OTOGL: variants seen among roughly 807,000 people sequenced by gnomAD.
The protein encoded by OTOGL is otogelin like, also known as otogelin-like protein.
OTOGL carries 285 observed loss-of-function variants against 318.5 expected under a neutral mutation model. That is an observed-to-expected ratio of 0.89 (90% CI 0.81 to 0.99). OTOGL has a LOEUF of 0.99. OTOGL is among the 50% of genes least tolerant of loss of function. The pLI is 0.00. For synonymous variants in OTOGL, 987 were observed against 936.5 expected (o/e 1.05, Z -0.99); for missense variants, 2,899 against 2,845.6 (o/e 1.02, Z -0.43).
chr12:80,318,189 T>C (rs1026044185), intron 32 of OTOGL, among the ~76,000 whole-genome samples: 1 of 152,154 alleles, frequency 6.6e-6, no homozygotes, highest in African/African-American at 2.4e-5. Context: ...GTCTTGCCCT[T>C]ATATTCTTTG....
In OTOGL at chr12:80,357,691, A is replaced by G. The variant is rs151279186; in HGVS notation, c.6020-557A>G. Among the ~76,000 whole-genome samples the G allele has an allele frequency of 1.3e-3, 204 of 152,266 alleles. 2 individuals carry two copies. In the East Asian group the frequency reaches 0.015, roughly 11 times the overall value. On this transcript the variant is annotated intron_variant, in intron 49 of 58. Transcript: ENST00000547103. ...AACTTTATTTTTTTCTTCAGTTGAT[A>G]TGTCTCTATATATGACTCAAATTCC...
chr12:80,325,555 C>A (rs1238576190), intron 35 of OTOGL, among the ~76,000 whole-genome samples: 1 of 152,192 alleles, frequency 6.6e-6, no homozygotes, highest in Non-Finnish European at 1.5e-5. Context: ...CTGCTACACC[C>A]TGTTGTTTGT....
chr12:80,335,308 T>C (rs1888321927), intron 38 of OTOGL, among the ~76,000 whole-genome samples: 1 of 152,052 alleles, frequency 6.6e-6, no homozygotes, highest in African/African-American at 2.4e-5. Context: ...AAAATAAATA[T>C]GAAATAATAG....
At chr12:80,276,799 T>C (rs1387311987) in intron 24 of OTOGL, among the ~76,000 whole-genome samples, 1 of 151,670 alleles carries the variant, frequency 6.6e-6, no homozygotes, top group Non-Finnish European at 1.5e-5. Context: ...CTACATATTG[T>C]GTGACATGAA....
chr12:80,315,597 G>A (rs547376199), intron 32 of OTOGL, among the ~76,000 whole-genome samples: 2 of 152,266 alleles, frequency 1.3e-5, no homozygotes, highest in South Asian at 4.2e-4. Flanking sequence ...TGATGGATGT[G>A]TCAGTTAGAA....
chr12:80,318,758 T>C, intron 33 of OTOGL, 45 bp downstream of exon 33: 1 of 1,162,408 alleles, frequency 8.6e-7, no homozygotes, highest in Non-Finnish European at 1.1e-6. Context: ...AATTACATTT[T>C]AAAATTTAGC....
chr12:80,373,490 T>G (rs1033884187), intron 57 of OTOGL, among the ~76,000 whole-genome samples: 1 of 151,966 alleles, frequency 6.6e-6, no homozygotes, highest in Admixed American at 6.6e-5. Flanking sequence ...TAGGGCCAGA[T>G]TCTTAGATAT....
At position 80,368,254 on chromosome 12, in the gene OTOGL, G is replaced by T; in HGVS notation, c.6560G>T (p.Cys2187Phe). The change falls in exon 55 of 59, where the codon TGC (cysteine) becomes TTC (phenylalanine). Residue 2187 changes from cysteine (C) to phenylalanine (F), a missense_variant. Cys to Phe is a radical substitution (Grantham distance 205). Transcript: ENST00000547103. ...SPSDYGCCGT[C>F]KNVSCKFHME... ...AGTGATTATGGTTGTTGTGGTACCT[G>T]CAAAAATGTATCCTGCAAATTTCAC... 6.2e-7 allele frequency: 1 copy of T among 1,603,548 alleles called. No individual in the cohort carries two copies. The highest frequency in any genetic ancestry group is 1.1e-5 in the South Asian group (1 of 89,298).
At chr12:80,112,709 C>CTTTT (rs144605517) in intron 1 of OTOGL, among the ~76,000 whole-genome samples, 1 of 140,220 alleles carries the variant, frequency 7.1e-6, no homozygotes, top group African/African-American at 2.7e-5. Flanking sequence ...AATTTTCTTT[C>CTTTT]TTTTTTTTTT....
chr12:80,102,792 C>T lies in OTOGL; in HGVS notation c.-20+3187C>T, dbSNP rs1338682672. 3 of 618,204 alleles carry T rather than the reference C, an allele frequency of 4.9e-6. No individual in the cohort carries two copies. In the African/African-American group the frequency reaches 5.5e-5, roughly 11 times the overall value. 38.3% of individuals were successfully genotyped at this position (618,204 alleles called of 1,614,324 possible). On this transcript the variant is annotated intron_variant, in intron 1 of 58. Coordinates refer to ENST00000547103, the MANE Select transcript of OTOGL (RefSeq NM_001378609.3). ...TCCTACTGATGGATGGACTAGTTTCCCAGAGTTGTCTCTTACCAACTCTTT... is the reference window on the plus strand; with the variant it reads ...TCCTACTGATGGATGGACTAGTTTCTCAGAGTTGTCTCTTACCAACTCTTT...
At chr12:80,331,171 A>G (rs2137887958) in intron 37 of OTOGL, among the ~76,000 whole-genome samples, 1 of 152,194 alleles carries the variant, frequency 6.6e-6, no homozygotes, top group Admixed American at 6.5e-5. Context: ...AAAATAACTA[A>G]TTTGGAGTAC....
chr12:80,299,631 C>T (rs889465308), intron 27 of OTOGL, among the ~76,000 whole-genome samples: 2 of 149,586 alleles, frequency 1.3e-5, no homozygotes, highest in South Asian at 4.2e-4. Context: ...AAAACCACCT[C>T]TGTTATTTTT....
chr12:80,205,975 A>G (rs12300701), intron 1 of OTOGL, among the ~76,000 whole-genome samples: 100 of 152,286 alleles, frequency 6.6e-4, no homozygotes, highest in African/African-American at 2.3e-3. Flanking sequence ...GTCACTTTCT[A>G]AAGATCATAT....
chr12:80,329,080 T>G lies in OTOGL; in HGVS notation c.4309T>G (p.Leu1437Val). ...ACCTGTGATTCCCACAGAACCAACA[T>G]TAATGCCACCAGCTAAGCCAACTGT... ...CIPVIPTEPTLMPPAKPTVPM... is the reference protein window; with the variant it reads ...CIPVIPTEPTVMPPAKPTVPM... The change falls in exon 37 of 59, where the codon TTA becomes GTA. Residue 1437 changes from leucine to valine, a missense_variant. Leu to Val is a conservative substitution (Grantham distance 32, BLOSUM62 1). This residue lies in a region of OTOGL where 2,607 missense variants were observed against 2,524.9 expected (regional missense o/e 1.03). Transcript: ENST00000547103. The G allele has an allele frequency of 1.3e-6, 2 of 1,562,434 alleles. No homozygotes were observed. The highest frequency in any genetic ancestry group is 1.7e-6 in the Non-Finnish European group (2 of 1,163,584).
chr12:80,243,299 A>G (rs890702690), intron 11 of OTOGL, among the ~76,000 whole-genome samples: 1 of 152,016 alleles, frequency 6.6e-6, no homozygotes, highest in African/African-American at 2.4e-5. Context: ...GGGAAAAGAA[A>G]CCCTACCAAT....
chr12:80,323,840 C>A lies in OTOGL; in HGVS notation c.4199C>A (p.Pro1400Gln), dbSNP rs754094747. The part of the protein sequence containing the change: ...PEALACKFLP[P>Q]VEGCLPYCPK... ...GCACTAGCATGTAAATTTCTTCCAC[C>A]GTAAGTAACGTTTACCAATAAGTGA... is the stretch of plus-strand genomic sequence containing the variant. Residue 1400 changes from proline (P) to glutamine (Q), a missense_variant and splice_region_variant, in exon 35 of 59, where the codon CCG (proline) becomes CAG (glutamine). Coordinates refer to ENST00000547103, the MANE Select transcript of OTOGL (RefSeq NM_001378609.3). 12 of 1,597,234 alleles carry A rather than the reference C, an allele frequency of 7.5e-6. No homozygotes were observed. The highest frequency in any genetic ancestry group is 1.3e-5 in the African/African-American group (1 of 74,498).
intron 1 of OTOGL, among the ~76,000 whole-genome samples, chr12:80,201,222 G>A (rs1416059766): frequency 6.6e-6 from 1 of 152,088 alleles, no homozygotes; most frequent in Non-Finnish European, 1.5e-5. Context: ...GGTCTGTTTT[G>A]CATTTTTATA....
intron 52 of OTOGL, among the ~76,000 whole-genome samples, chr12:80,359,597 G>A (rs1343467560): frequency 6.6e-6 from 1 of 152,130 alleles, no homozygotes; most frequent in Non-Finnish European, 1.5e-5. Flanking sequence ...CCAGTTCAAA[G>A]CTATATTATG....
intron 57 of OTOGL, among the ~76,000 whole-genome samples, chr12:80,374,527 C>T (rs1035595719): frequency 3.9e-5 from 6 of 152,102 alleles, no homozygotes; most frequent in African/African-American, 1.2e-4. Context: ...GAAATAAGCA[C>T]GTTTTCATTC....
Sources: gnomAD v4.1 joint callset for allele counts (sites outside exome capture counted in the v4.1 genomes callset) on GRCh38, gnomAD v4.1.1 for gene constraint, gnomAD v4.1.1 regional missense constraint, MANE v1.5 for transcripts, NCBI Gene and HGNC (gene_info 2026-07-23, HGNC 2026-07-21) for gene names.